PACRG: variants seen among roughly 807,000 people sequenced by gnomAD.
PACRG encodes parkin coregulated.
Under a neutral mutation model 29.7 loss-of-function variants are expected in PACRG, and 29 were observed. That is an observed-to-expected ratio of 0.98 (90% CI 0.73 to 1.33). The LOEUF (loss-of-function observed/expected upper bound fraction) is 1.33, where lower values mean the gene tolerates loss of function less well. PACRG is among the 40% of genes most tolerant of loss of function. PACRG has a pLI of 0.00. For synonymous variants in PACRG, 116 were observed against 118.7 expected (o/e 0.98, Z 0.15); for missense variants, 279 against 316.2 (o/e 0.88, Z 0.89).
intron 2 of PACRG, among the ~76,000 whole-genome samples, chr6:163,050,552 A>T (rs1331947317): frequency 6.6e-6 from 1 of 152,144 alleles, no homozygotes; most frequent in Non-Finnish European, 1.5e-5. Context: ...TCACTTTTTA[A>T]TAAATTTTAT....
intron 4 of PACRG, among the ~76,000 whole-genome samples, chr6:163,280,270 C>G (rs760184457): frequency 1.3e-5 from 2 of 152,206 alleles, no homozygotes; most frequent in Non-Finnish European, 2.9e-5. Flanking sequence ...CTCCTCTGAA[C>G]GTCCTGCTCT....
rs1000406916 is a variant in PACRG, at chr6:162,731,897, G to A, written c.156+3506G>A. 3.3e-5 allele frequency among the ~76,000 whole-genome samples: 5 copies of A among 152,182 alleles called. No individual in the cohort carries two copies. The East Asian group carries it at 9.7e-4, about 29-fold the overall frequency. ...CTCATAATAGAAGTTCAATTTTGTA[G>A]GCAATCCCAGGAGGTTGGGCAGCAT... On this transcript the variant is annotated intron_variant, in intron 1 of 4. Coordinates refer to ENST00000366888, the MANE Select transcript of PACRG (RefSeq NM_001080379.2).
At chr6:163,085,341 G>T (rs144852816) in intron 3 of PACRG, among the ~76,000 whole-genome samples, 1 of 152,238 alleles carries the variant, frequency 6.6e-6, no homozygotes, top group South Asian at 2.1e-4. Flanking sequence ...AGTGGGATGG[G>T]AAGGAGAGAT....
At chr6:162,970,891 G>A (rs565218030) in intron 2 of PACRG, among the ~76,000 whole-genome samples, 1 of 152,194 alleles carries the variant, frequency 6.6e-6, no homozygotes, top group Non-Finnish European at 1.5e-5. Context: ...GCAAGGGGCA[G>A]GCTTGTACTG....
chr6:163,220,939 A>G (rs1442702907), intron 4 of PACRG, among the ~76,000 whole-genome samples: 1 of 152,192 alleles, frequency 6.6e-6, no homozygotes, highest in African/African-American at 2.4e-5. Context: ...ATGTTATGCA[A>G]CTTGGGCTCT....
chr6:163,036,188 T>G (rs1808170615), intron 2 of PACRG, among the ~76,000 whole-genome samples: 1 of 152,208 alleles, frequency 6.6e-6, no homozygotes, highest in African/African-American at 2.4e-5. Context: ...GCATGCAAAC[T>G]TATTTTGTGG....
At chr6:162,855,287 G>C (rs1791291719) in intron 2 of PACRG, among the ~76,000 whole-genome samples, 1 of 152,188 alleles carries the variant, frequency 6.6e-6, no homozygotes, top group Admixed American at 6.5e-5. Context: ...CATGATGATC[G>C]TGTTATAATT....
At chr6:162,804,185 AT>A (rs1786116958) in intron 1 of PACRG, among the ~76,000 whole-genome samples, 1 of 152,202 alleles carries the variant, frequency 6.6e-6, no homozygotes. Flanking sequence ...ATTACAAGTG[AT>A]TTAATAAGAT....
chr6:162,887,617 T>C (rs1037687880), intron 2 of PACRG, among the ~76,000 whole-genome samples: 2 of 152,224 alleles, frequency 1.3e-5, no homozygotes, highest in African/African-American at 4.8e-5. Flanking sequence ...GGTGAAATTA[T>C]CTCAGGATGC....
At chr6:162,785,223 G>A (rs1008511201) in intron 1 of PACRG, among the ~76,000 whole-genome samples, 6 of 151,766 alleles carry the variant, frequency 4.0e-5, no homozygotes, top group African/African-American at 1.5e-4. Context: ...GCAGGTGCAT[G>A]AGGGCAAGGA....
At chr6:163,184,996 G>C (rs943346707) in intron 4 of PACRG, 3 of 152,180 alleles carry the variant, frequency 2.0e-5, no homozygotes, top group African/African-American at 7.2e-5. Context: ...TTGTTTTCAT[G>C]GCATGATACC....
intron 1 of PACRG, among the ~76,000 whole-genome samples, chr6:162,798,373 A>T (rs1315042649): frequency 6.6e-6 from 1 of 152,092 alleles, no homozygotes; most frequent in East Asian, 1.9e-4. Flanking sequence ...GTTCTCCCTC[A>T]CCAGAAATAC....
intron 2 of PACRG, among the ~76,000 whole-genome samples, chr6:162,938,064 C>T (rs1057178576): frequency 4.6e-5 from 7 of 152,196 alleles, no homozygotes; most frequent in Middle Eastern, 6.8e-3. Context: ...ATCCTTTTCC[C>T]CTGTGTCCCC....
At chr6:162,809,444 A>G (rs1280011119) in intron 1 of PACRG, among the ~76,000 whole-genome samples, 1 of 152,222 alleles carries the variant, frequency 6.6e-6, no homozygotes, top group Non-Finnish European at 1.5e-5. Context: ...AAGGCTTTCC[A>G]TGGAAGTGCA....
chr6:163,153,279 A>G (rs1230353134), intron 4 of PACRG, among the ~76,000 whole-genome samples: 1 of 151,960 alleles, frequency 6.6e-6, no homozygotes, highest in African/African-American at 2.4e-5. Flanking sequence ...AATAAACTCT[A>G]CTCTTACAAT....
intron 2 of PACRG, among the ~76,000 whole-genome samples, chr6:162,902,567 A>C (rs1238842927): frequency 6.6e-6 from 1 of 152,222 alleles, no homozygotes; most frequent in Non-Finnish European, 1.5e-5. Flanking sequence ...ATCTTATTAA[A>C]ACACTCAGGG....
At chr6:162,870,289 T>C (rs1433623843) in intron 2 of PACRG, among the ~76,000 whole-genome samples, 5 of 152,248 alleles carry the variant, frequency 3.3e-5, no homozygotes, top group African/African-American at 9.6e-5. Context: ...TATTATTCTT[T>C]GTGCATGGAT....
At chr6:162,926,412 G>A (rs904388170) in intron 2 of PACRG, among the ~76,000 whole-genome samples, 2 of 152,184 alleles carry the variant, frequency 1.3e-5, no homozygotes, top group East Asian at 3.9e-4. Context: ...ATACTGCAAG[G>A]CTACATTAAC....
intron 4 of PACRG, among the ~76,000 whole-genome samples, chr6:163,246,904 C>T (rs1232753420): frequency 1.3e-5 from 2 of 152,170 alleles, no homozygotes; most frequent in Non-Finnish European, 2.9e-5. Context: ...TGTGCTTTAA[C>T]AGAATAAGAC....
Sources: allele counts gnomAD v4.1 joint callset (sites outside exome capture counted in the v4.1 genomes callset), GRCh38; gene constraint gnomAD v4.1.1; transcripts MANE v1.5; gene names NCBI Gene and HGNC (gene_info 2026-07-23, HGNC 2026-07-21).